TTLL11: variants seen among roughly 807,000 people sequenced by gnomAD.
TTLL11 encodes the protein tubulin tyrosine ligase like 11, also known as tubulin polyglutamylase TTLL11.
TTLL11 carries 42 observed loss-of-function variants against 51.7 expected under a neutral mutation model. The ratio of observed to expected loss-of-function variants is 0.81; its 90% CI spans 0.64 to 1.05. The LOEUF (loss-of-function observed/expected upper bound fraction) is 1.05. Among genes scored for constraint, TTLL11 ranks in the 50% least tolerant of loss-of-function variants. The pLI, the probability that TTLL11 is intolerant of heterozygous loss-of-function variation, is 0.00. For missense variants in TTLL11, 799 were observed against 940.4 expected (o/e 0.85, Z 1.97); for synonymous variants, 381 against 383.5 (o/e 0.99, Z 0.08).
At chr9:121,902,593 T>C (rs935243637) in intron 6 of TTLL11, among the ~76,000 whole-genome samples, 2 of 147,542 alleles carry the variant, frequency 1.4e-5, no homozygotes, top group African/African-American at 5.0e-5. Flanking sequence ...TACCGAGTTG[T>C]TTTTTTTTTT....
At chr9:121,925,727 G>A (rs1000174702) in intron 6 of TTLL11, among the ~76,000 whole-genome samples, 4 of 152,176 alleles carry the variant, frequency 2.6e-5, no homozygotes, top group African/African-American at 9.7e-5. Context: ...GCTGGTCTCT[G>A]AATCTCTCTG....
At chr9:121,878,603 T>C (rs1412618559) in intron 6 of TTLL11, among the ~76,000 whole-genome samples, 1 of 152,208 alleles carries the variant, frequency 6.6e-6, no homozygotes, top group Non-Finnish European at 1.5e-5. Context: ...CTTACTCTAA[T>C]GCCCTGGCTC....
Position 122,085,619 on chromosome 9 carries a change from A to T in TTLL11, c.462+7068T>A, listed in dbSNP as rs554819451. ...AACATACATATATGGACTACATTTT[A>T]TATTAAATTTTCCCCCTGTTTAAGA... is the stretch of plus-strand genomic sequence containing the variant. On this transcript the variant is annotated intron_variant, in intron 1 of 8. Coordinates refer to ENST00000321582, the MANE Select transcript of TTLL11 (RefSeq NM_001139442.2). Among the ~76,000 whole-genome samples, 5 of 152,332 alleles carry T rather than the reference A, an allele frequency of 3.3e-5. No homozygotes were observed. The South Asian group carries it at 1.0e-3, about 32-fold the overall frequency.
chr9:121,960,393 A>G (rs1302144472), intron 6 of TTLL11, among the ~76,000 whole-genome samples: 1 of 152,170 alleles, frequency 6.6e-6, no homozygotes, highest in East Asian at 1.9e-4. Flanking sequence ...ATTTGTCAAT[A>G]CAGCTATGAA....
intron 6 of TTLL11, among the ~76,000 whole-genome samples, chr9:121,954,933 A>G (rs1466747234): frequency 1.3e-5 from 2 of 152,222 alleles, no homozygotes; most frequent in African/African-American, 2.4e-5. Context: ...GTCTCTAGAG[A>G]TAAACAGACC....
Position 121,841,712 on chromosome 9 carries a change from C to T in TTLL11, c.1840+18625G>A, listed in dbSNP as rs148770866. Among the ~76,000 whole-genome samples, 441 of 152,112 alleles carry T rather than the reference C, an allele frequency of 2.9e-3. 5 individuals are homozygous for T. The highest frequency in any genetic ancestry group is 0.01 in the African/African-American group (416 of 41,476). On this transcript the variant is annotated intron_variant, in intron 8 of 8. Transcript: ENST00000321582. ...GCCCAGGAAGCTGAAGGGGAAAAGC[C>T]CAATGATTATTATCGTTGGGCCAGA... is the stretch of plus-strand genomic sequence containing the variant.
rs72767753 is a variant in TTLL11, at chr9:122,075,315, G to A, written c.462+17372C>T. 9.0e-3 allele frequency among the ~76,000 whole-genome samples: 1,376 copies of A among 152,322 alleles called. 5 individuals are homozygous for A. The highest frequency in any genetic ancestry group is 0.014 in the South Asian group (67 of 4,826). ...ATAGTGATCACCCGTGCCTTGCACA[G>A]GCCTTGGGCCACAGCAGACATTCAA... is the stretch of plus-strand genomic sequence containing the variant. On this transcript the variant is annotated intron_variant, in intron 1 of 8. Coordinates refer to ENST00000321582, the MANE Select transcript of TTLL11 (RefSeq NM_001139442.2).
At chr9:121,873,854 T>TTTTTTTTA (rs1838460591) in intron 6 of TTLL11, among the ~76,000 whole-genome samples, 1 of 144,196 alleles carries the variant, frequency 6.9e-6, no homozygotes, top group African/African-American at 2.7e-5. Context: ...TTTTTTTTTT[T>TTTTTTTTA]GAGAGACAGA....
At chr9:122,042,248 G>A (rs1844866450) in intron 1 of TTLL11, among the ~76,000 whole-genome samples, 1 of 152,082 alleles carries the variant, frequency 6.6e-6, no homozygotes, top group African/African-American at 2.4e-5. Context: ...CCATCCACCT[G>A]CCTCGGCCTC....
rs139850721 is a variant in TTLL11, at chr9:121,904,651, C to T, written c.1482-33903G>A. Among the ~76,000 whole-genome samples, 156 of 152,306 alleles carry T rather than the reference C, an allele frequency of 1.0e-3. 8 individuals are homozygous for T. The highest frequency in any genetic ancestry group is 5.9e-4 in the Non-Finnish European group (40 of 68,028). ...AGAAACCTCAGGCTCTAGTAGCTAC[C>T]GACCCCATCCTCATGGAGCCAGGTC... On this transcript the variant is annotated intron_variant, in intron 6 of 8. Coordinates refer to ENST00000321582, the MANE Select transcript of TTLL11 (RefSeq NM_001139442.2).
intron 6 of TTLL11, among the ~76,000 whole-genome samples, chr9:121,917,266 C>T (rs1408913475): frequency 1.3e-5 from 2 of 151,208 alleles, no homozygotes; most frequent in Non-Finnish European, 2.9e-5. Context: ...GCCAGAAGTT[C>T]GAGACCGCCT....
chr9:121,940,776 TAGG>T (rs1841427052), intron 6 of TTLL11, among the ~76,000 whole-genome samples: 1 of 152,236 alleles, frequency 6.6e-6, no homozygotes, highest in African/African-American at 2.4e-5. Context: ...GCAGGCTCCA[TAGG>T]ACATTTGCTG....
At chr9:121,827,071 G>A (rs1270449050) in intron 8 of TTLL11, among the ~76,000 whole-genome samples, 3 of 152,198 alleles carry the variant, frequency 2.0e-5, no homozygotes, top group African/African-American at 7.2e-5. Context: ...AGTCCCATGG[G>A]TTTGGACCCA....
intron 6 of TTLL11, among the ~76,000 whole-genome samples, chr9:121,960,758 C>G (rs930715180): frequency 1.1e-4 from 16 of 152,166 alleles, no homozygotes; most frequent in Non-Finnish European, 4.4e-5. Context: ...ATGATCCTCT[C>G]TAAGTAAATA....
At chr9:121,940,771 C>T (rs1243572546) in intron 6 of TTLL11, among the ~76,000 whole-genome samples, 1 of 152,200 alleles carries the variant, frequency 6.6e-6, no homozygotes, top group Non-Finnish European at 1.5e-5. Flanking sequence ...AGAGAGCAGG[C>T]TCCATAGGAC....
intron 1 of TTLL11, among the ~76,000 whole-genome samples, chr9:122,076,290 G>C (rs1392032122): frequency 6.6e-6 from 1 of 152,156 alleles, no homozygotes; most frequent in African/African-American, 2.4e-5. Flanking sequence ...TAGTTATCTT[G>C]CTCCCTGTAC....
At chr9:121,867,270 A>G (rs1838206315) in intron 7 of TTLL11, among the ~76,000 whole-genome samples, 1 of 152,190 alleles carries the variant, frequency 6.6e-6, no homozygotes, top group Non-Finnish European at 1.5e-5. Context: ...GAGATTTTAC[A>G]TAGATATTTA....
chr9:121,834,710 C>T (rs1837134902), intron 8 of TTLL11, among the ~76,000 whole-genome samples: 1 of 152,014 alleles, frequency 6.6e-6, no homozygotes, highest in South Asian at 2.1e-4. Flanking sequence ...ACCTGTAATC[C>T]TAGCTACTCA....
chr9:121,960,557 C>T (rs1379535855), intron 6 of TTLL11, among the ~76,000 whole-genome samples: 1 of 152,148 alleles, frequency 6.6e-6, no homozygotes, highest in African/African-American at 2.4e-5. Context: ...GCTGTTGGTG[C>T]TTCTGCTGCC....
Sources: gnomAD v4.1 joint callset for allele counts (sites outside exome capture counted in the v4.1 genomes callset) on GRCh38, gnomAD v4.1.1 for gene constraint, MANE v1.5 for transcripts, NCBI Gene and HGNC (gene_info 2026-07-23, HGNC 2026-07-21) for gene names.